CADM2: variants seen among roughly 807,000 people sequenced by gnomAD.
The protein encoded by CADM2 is cell adhesion molecule 2.
Under a neutral mutation model 49.8 loss-of-function variants are expected in CADM2, and 12 were observed. That is an observed-to-expected ratio of 0.24 (90% CI 0.15 to 0.39). CADM2 has a LOEUF of 0.39. Ranked by LOEUF, CADM2 falls within the 10% of genes least tolerant of loss-of-function variation. The pLI is 1.00. For missense variants in CADM2, 378 were observed against 492.3 expected, an observed-to-expected ratio of 0.77 and a Z score of 2.20; for synonymous variants, 214 against 175.4, an observed-to-expected ratio of 1.22 and a Z score of -1.74.
rs188684096 is a variant in CADM2, at chr3:85,963,561, A to T, written c.970+1914A>T. On this transcript the variant is annotated intron_variant, in intron 8 of 9. Coordinates refer to ENST00000383699, the MANE Select transcript of CADM2 (RefSeq NM_001167675.2). ...TTCTCTCACCTAACAGTTTCTGAGC[A>T]CCTGGGGATATGTTGTATAGCATGT... 3.3e-5 allele frequency among the ~76,000 whole-genome samples: 5 copies of T among 152,024 alleles called. No homozygotes were observed. In the East Asian group the frequency reaches 9.8e-4, roughly 30 times the overall value.
chr3:85,351,711 G>A (rs1055241787), intron 1 of CADM2, among the ~76,000 whole-genome samples: 3 of 152,110 alleles, frequency 2.0e-5, no homozygotes, highest in Non-Finnish European at 4.4e-5. Flanking sequence ...AAAATTGCTT[G>A]TAATGCAGTT....
chr3:85,644,014 A>AT (rs2064811628), intron 1 of CADM2, among the ~76,000 whole-genome samples: 1 of 152,126 alleles, frequency 6.6e-6, no homozygotes, highest in African/African-American at 2.4e-5. Flanking sequence ...ACTATTGGAT[A>AT]TTTAAGATTG....
rs150406835 is a variant in CADM2, at chr3:85,238,338, A to G, written c.61+278670A>G. Reference sequence around the variant, plus strand: ...AGCTTATTTTTCACTTCTTATGTCAACTTTTCTATTTTTCACTCCAAATCA... The same window carrying G: ...AGCTTATTTTTCACTTCTTATGTCAGCTTTTCTATTTTTCACTCCAAATCA... On this transcript the variant is annotated intron_variant, in intron 1 of 9. Transcript: ENST00000383699. Among the ~76,000 whole-genome samples, 317 of 152,070 alleles carry G rather than the reference A, an allele frequency of 2.1e-3. 1 individual carries two copies. Among genetic ancestry groups the G allele is most frequent in the African/African-American group, 7.5e-3 (311 of 41,540 alleles).
intron 1 of CADM2, among the ~76,000 whole-genome samples, chr3:85,027,118 T>TTC (rs1422687915): frequency 6.4e-5 from 8 of 124,988 alleles, no homozygotes; most frequent in African/African-American, 2.6e-4. Context: ...CCTTTTTTTT[T>TTC]TTTTTTTTTT....
chr3:85,250,412 A>G (rs1310657138), intron 1 of CADM2, among the ~76,000 whole-genome samples: 3 of 151,650 alleles, frequency 2.0e-5, no homozygotes, highest in Non-Finnish European at 4.4e-5. Context: ...GAAAACAAGG[A>G]AATATTTTAT....
chr3:85,967,076 ATTG>A (rs1004352774), intron 8 of CADM2, among the ~76,000 whole-genome samples: 9 of 151,654 alleles, frequency 5.9e-5, no homozygotes, highest in Non-Finnish European at 1.3e-4. Flanking sequence ...CTCAGCTTTT[ATTG>A]TTAATAATAA....
chr3:85,566,756 A>G (rs1468660403), intron 1 of CADM2, among the ~76,000 whole-genome samples: 1 of 152,186 alleles, frequency 6.6e-6, no homozygotes, highest in Non-Finnish European at 1.5e-5. Context: ...TAAGCAATCT[A>G]TGCATCATCA....
chr3:86,008,971 C>T (rs868193186), intron 8 of CADM2, among the ~76,000 whole-genome samples: 10 of 151,156 alleles, frequency 6.6e-5, no homozygotes, highest in Middle Eastern at 6.8e-3. Flanking sequence ...ATTATTATAA[C>T]GATGCAGGGT....
At chr3:85,818,544 T>C (rs550463370) in intron 3 of CADM2, among the ~76,000 whole-genome samples, 1 of 152,320 alleles carries the variant, frequency 6.6e-6, no homozygotes, top group East Asian at 1.9e-4. Flanking sequence ...CTAAATACTC[T>C]CTCAGTAGTT....
intron 1 of CADM2, among the ~76,000 whole-genome samples, chr3:85,543,420 A>ATGTGTGTGTGGGGGTGTGTGTGTG (rs546846641): frequency 3.1e-5 from 4 of 129,642 alleles, no homozygotes; most frequent in East Asian, 2.7e-4. Context: ...TGCCAAGCTA[A>ATGTGTGTGTGGGGGTGTGTGTGTG]TGTGTGTGTG....
At chr3:85,357,104 A>G (rs1367077610) in intron 1 of CADM2, among the ~76,000 whole-genome samples, 2 of 152,208 alleles carry the variant, frequency 1.3e-5, no homozygotes, top group East Asian at 1.9e-4. Context: ...AAACTAGTCT[A>G]TTATTTATAT....
At chr3:85,475,168 AT>A (rs2038926850) in intron 1 of CADM2, among the ~76,000 whole-genome samples, 4 of 151,934 alleles carry the variant, frequency 2.6e-5, no homozygotes, top group Admixed American at 2.0e-4. Context: ...TGTTCAGATT[AT>A]TTTTACTTGA....
In CADM2 at chr3:86,065,485, C is replaced by A. The variant is rs537643766; in HGVS notation, c.971-120C>A. 1.1e-5 allele frequency: 11 copies of A among 996,762 alleles called. No individual in the cohort carries two copies. In the South Asian group the frequency reaches 1.6e-4, roughly 14 times the overall value. The allele number at this position is 996,762 out of a possible 1,614,324, so 61.7% of individuals were successfully genotyped here. On this transcript the variant is annotated intron_variant, in intron 8 of 9. Coordinates refer to ENST00000383699, the MANE Select transcript of CADM2 (RefSeq NM_001167675.2). ...TTCACAGGATGACTGGTGTAATGCA[C>A]GTTAATGTATTATTTAACAGAAATT...
At chr3:85,087,655 T>G (rs2037432612) in intron 1 of CADM2, among the ~76,000 whole-genome samples, 1 of 152,224 alleles carries the variant, frequency 6.6e-6, no homozygotes, top group Non-Finnish European at 1.5e-5. Context: ...TAATATATTT[T>G]TTGATGAATG....
chr3:85,605,935 T>A (rs1265215750), intron 1 of CADM2, among the ~76,000 whole-genome samples: 1 of 152,108 alleles, frequency 6.6e-6, no homozygotes, highest in Admixed American at 6.6e-5. Context: ...TAATTGTGAA[T>A]GCTTAATAGT....
intron 6 of CADM2, among the ~76,000 whole-genome samples, chr3:85,934,918 A>G (rs188545350): frequency 6.6e-6 from 1 of 152,134 alleles, no homozygotes; most frequent in East Asian, 1.9e-4. Flanking sequence ...AGACAATTTC[A>G]CATTGACTGT....
intron 1 of CADM2, among the ~76,000 whole-genome samples, chr3:84,979,434 G>A (rs1174631617): frequency 6.6e-6 from 1 of 152,056 alleles, no homozygotes; most frequent in Non-Finnish European, 1.5e-5. Flanking sequence ...GTGTGCCTGT[G>A]TACATACTTC....
intron 2 of CADM2, among the ~76,000 whole-genome samples, chr3:85,772,798 CTT>C (rs67332260): frequency 2.8e-5 from 4 of 143,574 alleles, no homozygotes; most frequent in Non-Finnish European, 4.6e-5. Context: ...GCTATGTTTT[CTT>C]TTTTTTTTTT....
At chr3:85,772,570 G>C (rs1317349460) in intron 2 of CADM2, among the ~76,000 whole-genome samples, 1 of 152,048 alleles carries the variant, frequency 6.6e-6, no homozygotes, top group Non-Finnish European at 1.5e-5. Flanking sequence ...AAAGTATAGA[G>C]TTGATTATAG....
Sources: gnomAD v4.1 joint callset for allele counts (sites outside exome capture counted in the v4.1 genomes callset) on GRCh38, gnomAD v4.1.1 for gene constraint, MANE v1.5 for transcripts, NCBI Gene and HGNC (gene_info 2026-07-23, HGNC 2026-07-21) for gene names.